WASHC4: variants seen among roughly 807,000 people sequenced by gnomAD.
WASHC4 encodes the protein WASH complex subunit 4.
WASHC4 carries 86 observed loss-of-function variants against 166.6 expected under a neutral mutation model. The ratio of observed to expected loss-of-function variants is 0.52; its 90% CI spans 0.43 to 0.62. WASHC4 has a LOEUF of 0.62. Among genes scored for constraint, WASHC4 ranks in the 20% least tolerant of loss-of-function variants. The probability of loss-of-function intolerance (pLI) is 0.00; values close to 1 mark genes in which losing one functional copy is unlikely to be tolerated. For missense variants in WASHC4, 1,262 were observed against 1,382.4 expected, an observed-to-expected ratio of 0.91 and a Z score of 1.38; for synonymous variants, 446 against 451.6, an observed-to-expected ratio of 0.99 and a Z score of 0.16.
chr12:105,157,420 T>C (rs1052863012), intron 28 of WASHC4, 98 bp downstream of exon 28: 17 of 678,006 alleles, frequency 2.5e-5, no homozygotes, highest in Admixed American at 4.7e-5. Flanking sequence ...ACTGTTTTTA[T>C]TATACAAAAT....
At chr12:105,141,133 C>G in intron 17 of WASHC4, 34 bp from the exon 18 acceptor site, 1 of 1,607,928 alleles carries the variant, frequency 6.2e-7, no homozygotes, top group Non-Finnish European at 8.5e-7. Context: ...CCTTTGACTG[C>G]AACTTCTCTG....
At chr12:105,160,311 AT>A (rs1267083374) in intron 29 of WASHC4, among the ~76,000 whole-genome samples, 163 bp downstream of exon 29, 1 of 152,116 alleles carries the variant, frequency 6.6e-6, no homozygotes, top group Non-Finnish European at 1.5e-5. Flanking sequence ...AGAATTTTTT[AT>A]TTGTTAGCCA....
chr12:105,126,283 G>T lies in WASHC4; in HGVS notation c.959G>T (p.Gly320Val). The change falls in exon 12 of 33, where the codon GGA becomes GTA. Residue 320 changes from glycine to valine, a missense_variant. Transcript: ENST00000332180. ...DQRDKYVGIC[G>V]LFVLHFQIFR... ...AGAGACAAGTATGTTGGAATTTGTG[G>T]ACTCTTTGTATTGCACTTTCAGATT... The T allele has an allele frequency of 1.2e-6, 2 of 1,610,964 alleles. No individual in the cohort carries two copies. The highest frequency in any genetic ancestry group is 1.7e-6 in the Non-Finnish European group (2 of 1,177,640).
At chr12:105,146,184 G>A (rs1883277256) in intron 22 of WASHC4, among the ~76,000 whole-genome samples, 2 of 152,084 alleles carry the variant, frequency 1.3e-5, no homozygotes, top group Non-Finnish European at 2.9e-5. Flanking sequence ...CAAGGCTGGT[G>A]GGGAGATGAC....
rs1592861710 is a variant in WASHC4, at chr12:105,126,367, G to T, written c.1038+5G>T. On this transcript the variant is annotated splice_donor_5th_base_variant and intron_variant, in intron 12 of 32. Transcript: ENST00000332180. ...TTATTGGACATTTGTAAGAAGGTAAGAACTTGAAACTTATTTTTCAATTTG... is the reference window on the plus strand; with the variant it reads ...TTATTGGACATTTGTAAGAAGGTAATAACTTGAAACTTATTTTTCAATTTG... 2.6e-6 allele frequency: 4 copies of T among 1,558,116 alleles called. No individual in the cohort carries two copies. The South Asian group carries it at 4.5e-5, about 18-fold the overall frequency.
At chr12:105,151,387 G>T (rs1163123783) in intron 25 of WASHC4, among the ~76,000 whole-genome samples, 2 of 150,336 alleles carry the variant, frequency 1.3e-5, no homozygotes, top group Non-Finnish European at 1.5e-5. Flanking sequence ...TATAATGGTT[G>T]CTAGTTCTCT....
Position 105,162,820 on chromosome 12 carries a change from CT to C in WASHC4, c.3135del (p.Phe1045LeufsTer14). On this transcript the variant is annotated frameshift_variant, in exon 30 of 33. Transcript: ENST00000332180. LOFTEE classifies it high-confidence loss of function. ...LNKKNKIGAA[F>X]TDDGFAMGVA... ...ATAAAAAAAATAAAATTGGAGCTGC[CT>C]TTACTGATGATGGCTTTGCCATGGG... is the stretch of plus-strand genomic sequence containing the variant. 6.3e-7 allele frequency: 1 copy of C among 1,596,604 alleles called. No homozygotes were observed.
At chr12:105,121,264 A>C (rs1880715223) in intron 9 of WASHC4, 60 bp downstream of exon 9, 1 of 1,035,224 alleles carries the variant, frequency 9.7e-7, no homozygotes, top group Admixed American at 1.7e-5. Flanking sequence ...TTGTGTTAGT[A>C]AAAAGTAAAC....
Position 105,133,811 on chromosome 12 carries a change from T to C in WASHC4, c.1241T>C (p.Met414Thr), listed in dbSNP as rs777391048. 4.3e-6 allele frequency: 7 copies of C among 1,612,216 alleles called. No individual in the cohort carries two copies. In the South Asian group the frequency reaches 7.7e-5, roughly 18 times the overall value. The change falls in exon 14 of 33, where the codon ATG (methionine) becomes ACG (threonine). Residue 414 changes from methionine to threonine, a missense_variant. Physicochemically the swap from Met to Thr is moderately conservative, Grantham distance 81. Coordinates refer to ENST00000332180, the MANE Select transcript of WASHC4 (RefSeq NM_015275.3). Reference protein sequence around the residue: ...SYYVFVSSWMMKMESILSKEQ... With the variant: ...SYYVFVSSWMTKMESILSKEQ... ...TACGTCTTTGTGAGCTCATGGATGA[T>C]GAAAATGGAATCTATTTTGTCTAAA...
Position 105,167,123 on chromosome 12 carries a change from A to T in WASHC4, c.*192A>T, listed in dbSNP as rs1483291804. 3.6e-6 allele frequency: 2 copies of T among 551,246 alleles called. No homozygotes were observed. Among genetic ancestry groups the T allele is most frequent in the Non-Finnish European group, 6.5e-6 (2 of 308,120 alleles). The allele number at this position is 551,246 out of a possible 1,614,324, so 34.1% of individuals were successfully genotyped here. ...AAAGGCTCTACTTTCAAAGGTTAAG[A>T]ATGAGATTTTAAAATTGGATTTTTG... On this transcript the variant is annotated 3_prime_UTR_variant, in exon 33 of 33. Coordinates refer to ENST00000332180, the MANE Select transcript of WASHC4 (RefSeq NM_015275.3).
At chr12:105,124,230 C>T (rs2135746626) in intron 10 of WASHC4, among the ~76,000 whole-genome samples, 1 of 151,608 alleles carries the variant, frequency 6.6e-6, no homozygotes, top group Admixed American at 6.6e-5. Flanking sequence ...AGCAATTCTC[C>T]TGCCTCAGCC....
At chr12:105,140,804 T>A in intron 16 of WASHC4, 95 bp from the exon 17 acceptor site, 3 of 1,267,798 alleles carry the variant, frequency 2.4e-6, no homozygotes, top group Non-Finnish European at 3.4e-6. Flanking sequence ...TATGCTCTCT[T>A]AAATTGAATC....
intron 10 of WASHC4, among the ~76,000 whole-genome samples, chr12:105,124,272 A>G (rs1478935209): frequency 6.6e-6 from 1 of 151,408 alleles, no homozygotes; most frequent in African/African-American, 2.4e-5. Context: ...GGCATCTACT[A>G]CCATGCCCAG....
chr12:105,112,858 A>T (rs558423661), intron 2 of WASHC4, among the ~76,000 whole-genome samples: 17 of 152,206 alleles, frequency 1.1e-4, no homozygotes, highest in Non-Finnish European at 1.2e-4. Flanking sequence ...AAACTAAGGC[A>T]TAGAAAAGTT....
At chr12:105,132,317 G>A (rs531837296) in intron 13 of WASHC4, among the ~76,000 whole-genome samples, 1 of 152,018 alleles carries the variant, frequency 6.6e-6, no homozygotes, top group Non-Finnish European at 1.5e-5. Flanking sequence ...GACTACAAGC[G>A]TGTGCCACCA....
chr12:105,129,372 T>G (rs1881588082), intron 13 of WASHC4, among the ~76,000 whole-genome samples: 1 of 152,224 alleles, frequency 6.6e-6, no homozygotes, highest in African/African-American at 2.4e-5. Context: ...GCGTGAGCCA[T>G]CACACCAGGC....
chr12:105,131,448 G>A (rs1881814613), intron 13 of WASHC4, among the ~76,000 whole-genome samples: 1 of 152,188 alleles, frequency 6.6e-6, no homozygotes, highest in Admixed American at 6.5e-5. Context: ...ACAGAGTGAT[G>A]GGCAGAAGTG....
chr12:105,107,908 C>G, intron 1 of WASHC4, 47 bp downstream of exon 1: 1 of 1,411,630 alleles, frequency 7.1e-7, no homozygotes, highest in Non-Finnish European at 9.8e-7. Context: ...CTCCTTCGGC[C>G]CGCCGCTGTT....
intron 13 of WASHC4, among the ~76,000 whole-genome samples, chr12:105,129,247 G>T (rs1484502114): frequency 6.6e-6 from 1 of 151,918 alleles, no homozygotes; most frequent in Non-Finnish European, 1.5e-5. Context: ...CCAACGCCTG[G>T]CTAATTTTTG....
Sources: allele counts gnomAD v4.1 joint callset (sites outside exome capture counted in the v4.1 genomes callset), GRCh38; gene constraint gnomAD v4.1.1; transcripts MANE v1.5; gene names NCBI Gene and HGNC (gene_info 2026-07-23, HGNC 2026-07-21).